The following PCDHGB6 variants were observed in gnomAD, a reference collection of about 807,000 sequenced individuals.
The protein encoded by PCDHGB6 is protocadherin gamma subfamily B, 6.
Under a neutral mutation model 59.1 loss-of-function variants are expected in PCDHGB6, and 51 were observed. That is an observed-to-expected ratio of 0.86 (90% CI 0.69 to 1.09). The LOEUF is 1.09. Among genes scored for constraint, PCDHGB6 ranks in the 50% least tolerant of loss-of-function variants. The probability of loss-of-function intolerance (pLI) is 0.00; values close to 1 mark genes in which losing one functional copy is unlikely to be tolerated. For synonymous variants in PCDHGB6, 466 were observed against 495.1 expected, an observed-to-expected ratio of 0.94 and a Z score of 0.78; for missense variants, 1,148 against 1,205.1, an observed-to-expected ratio of 0.95 and a Z score of 0.70.
intron 1 of PCDHGB6, among the ~76,000 whole-genome samples, chr5:141,450,951 A>G (rs1018018318): frequency 1.3e-5 from 2 of 151,732 alleles, no homozygotes; most frequent in Non-Finnish European, 2.9e-5. Context: ...CAGCCTCCCA[A>G]GTAGCTGGGA....
intron 1 of PCDHGB6, chr5:141,419,373 T>C: frequency 1.9e-6 from 3 of 1,613,754 alleles, no homozygotes; most frequent in Non-Finnish European, 2.5e-6. Context: ...TCGTCCTACG[T>C]GTCCGTGAGC....
chr5:141,431,916 T>C lies in PCDHGB6; in HGVS notation c.2418+21296T>C, dbSNP rs2097428336. 1 of 1,614,056 alleles carries C rather than the reference T, an allele frequency of 6.2e-7. No homozygotes were observed. Among genetic ancestry groups the C allele is most frequent in the Middle Eastern group, 1.6e-4 (1 of 6,062 alleles). ...GAAAACGGACAGGTGATCTGTTTCA[T>C]CCAAGGAAATCTGCCCTTTAAATTA... On this transcript the variant is annotated intron_variant, in intron 1 of 3. Transcript: ENST00000520790. The surrounding 1 kb of genome is among the most constrained non-coding windows in gnomAD (Gnocchi z 4.8).
intron 1 of PCDHGB6, among the ~76,000 whole-genome samples, chr5:141,462,068 C>T (rs1006462521): frequency 6.6e-6 from 1 of 152,196 alleles, no homozygotes; most frequent in African/African-American, 2.4e-5. Context: ...GGTGATCTGC[C>T]CGCCTTGGCC....
chr5:141,433,329 G>A, intron 1 of PCDHGB6: 1 of 702,998 alleles, frequency 1.4e-6, no homozygotes, highest in Non-Finnish European at 2.4e-6. Context: ...GTGTAACAGG[G>A]ACTACAGGTG....
intron 1 of PCDHGB6, chr5:141,427,894 C>T (rs974220302): frequency 1.3e-6 from 2 of 1,568,222 alleles, no homozygotes; most frequent in East Asian, 2.2e-5. Flanking sequence ...GACCAGGGCT[C>T]GCCCGCGCTC....
At chr5:141,434,453 T>C (rs1172243323) in intron 1 of PCDHGB6, among the ~76,000 whole-genome samples, 1 of 152,226 alleles carries the variant, frequency 6.6e-6, no homozygotes, top group Non-Finnish European at 1.5e-5. Context: ...TGGAAGGTAG[T>C]GGGTTTACCG....
At chr5:141,451,535 A>G (rs150174911) in intron 1 of PCDHGB6, among the ~76,000 whole-genome samples, 2 of 152,328 alleles carry the variant, frequency 1.3e-5, no homozygotes, top group Non-Finnish European at 2.9e-5. Flanking sequence ...GGAGAGTGCC[A>G]GAGAGGGCAA....
At chr5:141,429,500 A>C (rs1050435175) in intron 1 of PCDHGB6, among the ~76,000 whole-genome samples, 1 of 152,148 alleles carries the variant, frequency 6.6e-6, no homozygotes, top group Non-Finnish European at 1.5e-5. Flanking sequence ...CAGTTGCCTG[A>C]AACTGTGCCT....
At chr5:141,430,661 G>A in intron 1 of PCDHGB6, 1 of 1,159,744 alleles carries the variant, frequency 8.6e-7, no homozygotes, top group South Asian at 2.1e-5. Context: ...CAACGGAGGA[G>A]CTCTGACTTC....
chr5:141,414,868 G>A (rs1346192710), intron 1 of PCDHGB6: 1 of 1,614,098 alleles, frequency 6.2e-7, no homozygotes, highest in African/African-American at 1.3e-5. Flanking sequence ...CAATGCGCCC[G>A]AGATCCTGTA....
At chr5:141,429,169 T>TACACACACACACACACAC (rs10667977) in intron 1 of PCDHGB6, 2 of 145,394 alleles carry the variant, frequency 1.4e-5, no homozygotes, top group African/African-American at 5.1e-5. Flanking sequence ...ACATTGTTTA[T>TACACACACACACACACAC]ACACACACAC....
At chr5:141,450,067 T>C (rs1007808503) in intron 1 of PCDHGB6, among the ~76,000 whole-genome samples, 4 of 147,604 alleles carry the variant, frequency 2.7e-5, no homozygotes, top group African/African-American at 1.0e-4. Context: ...AATGCAGTGG[T>C]ATGATCTTGG....
At chr5:141,423,444 A>C (rs1340932902) in intron 1 of PCDHGB6, 1 of 1,614,050 alleles carries the variant, frequency 6.2e-7, no homozygotes. Flanking sequence ...TGCCCACGTC[A>C]CATTTTGTAG....
chr5:141,482,492 T>C (rs1167963137), intron 1 of PCDHGB6, among the ~76,000 whole-genome samples: 1 of 144,468 alleles, frequency 6.9e-6, no homozygotes, highest in Non-Finnish European at 1.5e-5. Flanking sequence ...TTAAAAGTTA[T>C]CATTCTGGTA....
intron 1 of PCDHGB6, among the ~76,000 whole-genome samples, chr5:141,457,968 G>A (rs919621979): frequency 6.6e-6 from 1 of 152,120 alleles, no homozygotes; most frequent in African/African-American, 2.4e-5. Context: ...TTCCTTAAAG[G>A]GAAACACACC....
chr5:141,414,466 G>A, intron 1 of PCDHGB6: 1 of 1,613,872 alleles, frequency 6.2e-7, no homozygotes, highest in Non-Finnish European at 8.5e-7. Flanking sequence ...AGCCACAGAT[G>A]GGGGAAGTCC....
At chr5:141,501,198 G>C (rs2299024) in intron 2 of PCDHGB6, among the ~76,000 whole-genome samples, 89,086 of 151,686 alleles carry the variant, frequency 0.59, 27,759 homozygotes, top group African/African-American at 0.8. Context: ...TAAATTCAGG[G>C]TGTTGTCAGG....
Position 141,511,403 on chromosome 5 carries a change from AC to A in PCDHGB6, c.*231del. ...TCCGCTGGGAACCCCCATCCAATCA[AC>A]TGCTGTACCCATGGGGGTAGTGGGG... is the stretch of plus-strand genomic sequence containing the variant. On this transcript the variant is annotated 3_prime_UTR_variant, in exon 4 of 4. Coordinates refer to ENST00000520790, the MANE Select transcript of PCDHGB6 (RefSeq NM_018926.3). 1.1e-6 allele frequency: 1 copy of A among 939,022 alleles called. No homozygotes were observed. The highest frequency in any genetic ancestry group is 1.5e-6 in the Non-Finnish European group (1 of 650,838). The allele number at this position is 939,022 out of a possible 1,614,324, so 58.2% of individuals were successfully genotyped here. A position where few individuals can be genotyped will look rare whatever the true frequency, so the allele number is the denominator to read the frequency against.
chr5:141,506,435 G>A (rs1470687416), intron 3 of PCDHGB6, among the ~76,000 whole-genome samples: 7 of 126,234 alleles, frequency 5.5e-5, no homozygotes, highest in African/African-American at 2.0e-4. Context: ...CAACAGTCTC[G>A]CTCTGTCTCA....
Sources: allele counts gnomAD v4.1 joint callset (sites outside exome capture counted in the v4.1 genomes callset), GRCh38; gene constraint gnomAD v4.1.1; non-coding constraint Gnocchi (gnomAD v3.1); transcripts MANE v1.5; gene names NCBI Gene and HGNC (gene_info 2026-07-23, HGNC 2026-07-21).